RADIL: variants seen among roughly 807,000 people sequenced by gnomAD.
RADIL encodes ras-associating and dilute domain-containing protein.
A neutral mutation model predicts 97.6 loss-of-function variants in RADIL; 99 were observed. The observed-to-expected ratio is 1.01, with a 90% CI of 0.86 to 1.20. RADIL has a LOEUF of 1.20. Among genes scored for constraint, RADIL ranks in the 50% most tolerant of loss-of-function variants. RADIL has a pLI of 0.00. For missense variants in RADIL, 1,765 were observed against 1,498.9 expected (o/e 1.18, Z -2.93); for synonymous variants, 803 against 691.8 (o/e 1.16, Z -2.52).
At position 4,819,070 on chromosome 7, in the gene RADIL, CTCTTT is replaced by C. The variant is rs1045802245; in HGVS notation, c.1616-1724_1616-1720del. 1.2e-4 allele frequency among the ~76,000 whole-genome samples: 16 copies of C among 137,828 alleles called. No individual in the cohort carries two copies. The highest frequency in any genetic ancestry group is 2.3e-4 in the South Asian group (1 of 4,300). The allele number at this position is 137,828 out of a possible 152,430, so 90.4% of individuals were successfully genotyped here. A position where few individuals can be genotyped will look rare whatever the true frequency, so the allele number is the denominator to read the frequency against. On this transcript the variant is annotated intron_variant, in intron 6 of 14. Coordinates refer to ENST00000399583, the MANE Select transcript of RADIL (RefSeq NM_018059.5). The surrounding 1 kb of genome is among the most constrained non-coding windows in gnomAD (Gnocchi z 5.8). ...AGACTCCATTTCTCTCTCTCTCTCT[CTCTTT>C]TTTTTTTTTTTTTAAAGACAGAGTC...
At chr7:4,823,331 C>A (rs978868824) in intron 5 of RADIL, among the ~76,000 whole-genome samples, 1 of 129,592 alleles carries the variant, frequency 7.7e-6, no homozygotes, top group Non-Finnish European at 1.6e-5. Flanking sequence ...TATTAAAAAC[C>A]TTTTTTTTTT....
intron 8 of RADIL, 43 bp downstream of exon 8, chr7:4,816,185 G>C: frequency 1.9e-6 from 3 of 1,560,922 alleles, no homozygotes; most frequent in Non-Finnish European, 1.8e-6. Flanking sequence ...TCATGTCCAG[G>C]AATGTGAGCC....
At chr7:4,826,148 C>T (rs1359224284) in intron 5 of RADIL, among the ~76,000 whole-genome samples, 4 of 151,912 alleles carry the variant, frequency 2.6e-5, no homozygotes, top group African/African-American at 9.7e-5. Flanking sequence ...GTTGAGGCTG[C>T]AGTGAGCTCT....
chr7:4,833,366 G>C (rs942639043), intron 4 of RADIL, among the ~76,000 whole-genome samples: 2 of 152,192 alleles, frequency 1.3e-5, no homozygotes, highest in Non-Finnish European at 2.9e-5. Context: ...GTAACTCTCG[G>C]TCACAGTGGC....
chr7:4,863,706 C>T (rs1227508243), intron 2 of RADIL, among the ~76,000 whole-genome samples: 1 of 152,236 alleles, frequency 6.6e-6, no homozygotes, highest in African/African-American at 2.4e-5. Flanking sequence ...CATCTCCTTT[C>T]ACCAGGTAGC....
intron 2 of RADIL, among the ~76,000 whole-genome samples, chr7:4,862,500 A>G (rs2115035804): frequency 6.6e-6 from 1 of 152,358 alleles, no homozygotes; most frequent in African/African-American, 2.4e-5. Flanking sequence ...TTCCGCAGCT[A>G]GGTGAACTAC....
rs1310955512 is a variant in RADIL at position 4,861,630 on chromosome 7, G to A, written c.535+15975C>T. 5 of 1,610,558 alleles carry A rather than the reference G, an allele frequency of 3.1e-6. No homozygotes were observed. Among genetic ancestry groups the A allele is most frequent in the South Asian group, 1.1e-5 (1 of 90,606 alleles). Reference sequence around the variant, plus strand: ...AATTTTTCCAAAACTAAAATCCTGCGCTGCAGTTCCTCTTCCTCTTCGAAG... The same window carrying A: ...AATTTTTCCAAAACTAAAATCCTGCACTGCAGTTCCTCTTCCTCTTCGAAG... On this transcript the variant is annotated intron_variant, in intron 2 of 14. Transcript: ENST00000399583.
Position 4,799,367 on chromosome 7 carries a change from T to G in RADIL, c.*11A>C, listed in dbSNP as rs767345304. ...GGGTGCCGGGCCTGTGGGGGTGTCC[T>G]CGCAGCCCCCCTAGAGAGGGGGCGT... On this transcript the variant is annotated 3_prime_UTR_variant, in exon 15 of 15. Transcript: ENST00000399583. 4.3e-6 allele frequency: 7 copies of G among 1,612,508 alleles called. No homozygotes were observed. In the East Asian group the frequency reaches 1.3e-4, roughly 31 times the overall value.
intron 2 of RADIL, among the ~76,000 whole-genome samples, chr7:4,855,835 G>A (rs556469970): frequency 4.6e-5 from 7 of 152,012 alleles, no homozygotes; most frequent in Admixed American, 2.0e-4. Flanking sequence ...TTGCTCTGTC[G>A]CTCAGGTTGG....
chr7:4,838,655 C>T (rs1312895534), intron 2 of RADIL, among the ~76,000 whole-genome samples: 3 of 152,328 alleles, frequency 2.0e-5, no homozygotes, highest in East Asian at 3.9e-4. Flanking sequence ...CTTCCTGGTG[C>T]TGGGTAGGCC....
In RADIL at chr7:4,834,590, C is replaced by T. The variant is rs751376332; in HGVS notation, c.1416+17G>A. The T allele has an allele frequency of 2.9e-5, 38 of 1,317,724 alleles. No homozygotes were observed. The highest frequency in any genetic ancestry group is 3.1e-5 in the Admixed American group (1 of 32,578). The allele number at this position is 1,317,724 out of a possible 1,614,324, so 81.6% of individuals were successfully genotyped here. ...AGACCGGCACAGGACCCAGACCGCC[C>T]ACCCCAGCACACTGACCCAGACAGT... On this transcript the variant is annotated intron_variant, in intron 4 of 14. Coordinates refer to ENST00000399583, the MANE Select transcript of RADIL (RefSeq NM_018059.5). This position sits in a 1 kb window ranked among gnomAD's most constrained non-coding sequence, Gnocchi z 6.0.
At chr7:4,838,249 C>T (rs750448197) in intron 2 of RADIL, among the ~76,000 whole-genome samples, 1 of 152,224 alleles carries the variant, frequency 6.6e-6, no homozygotes, top group Non-Finnish European at 1.5e-5. Flanking sequence ...GCGTTACCAG[C>T]CCCACAGCTC....
rs1224598295 is a variant in RADIL at position 4,877,952 on chromosome 7, C to T, written c.188G>A (p.Gly63Asp). The T allele has an allele frequency of 6.2e-7, 1 of 1,610,502 alleles. No homozygotes were observed. Among genetic ancestry groups the T allele is most frequent in the Non-Finnish European group, 8.5e-7 (1 of 1,179,988 alleles). The part of the protein sequence containing the change: ...AELSTQLSAP[G>D]VLKVFGDSVC... Reference sequence around the variant, plus strand: ...ACTGTCCCCAAACACCTTCAGGACACCAGGGGCCGACAGCTGGGTGGAGAG... The same window carrying T: ...ACTGTCCCCAAACACCTTCAGGACATCAGGGGCCGACAGCTGGGTGGAGAG... Residue 63 changes from glycine (G) to aspartate (D), a missense_variant, in exon 2 of 15, where the codon GGT becomes GAT. By Grantham distance (94) the Gly-to-Asp change is moderately conservative. Coordinates refer to ENST00000399583, the MANE Select transcript of RADIL (RefSeq NM_018059.5).
chr7:4,829,579 G>A (rs1039679782), intron 5 of RADIL, among the ~76,000 whole-genome samples: 1 of 152,060 alleles, frequency 6.6e-6, no homozygotes, highest in East Asian at 1.9e-4. Context: ...TACAGGGTTC[G>A]GCTGTGTCTC....
At position 4,815,444 on chromosome 7, in the gene RADIL, GA is replaced by G. The variant is rs1169952293; in HGVS notation, c.1972del (p.Ser658ProfsTer2). 1 of 1,523,310 alleles carries G rather than the reference GA, an allele frequency of 6.6e-7. No homozygotes were observed. The highest frequency in any genetic ancestry group is 8.8e-7 in the Non-Finnish European group (1 of 1,132,160). 94.4% of individuals were successfully genotyped at this position (1,523,310 alleles called of 1,614,324 possible). A position where few individuals can be genotyped will look rare whatever the true frequency, so the allele number is the denominator to read the frequency against. On this transcript the variant is annotated frameshift_variant, in exon 9 of 15. Coordinates refer to ENST00000399583, the MANE Select transcript of RADIL (RefSeq NM_018059.5). LOFTEE classifies it high-confidence loss of function. This position sits in a 1 kb window ranked among gnomAD's most constrained non-coding sequence, Gnocchi z 8.0. Reference protein sequence around the residue: ...LLNQLLDRGPSLSCFHWPRGV... With the variant: ...LLNQLLDRGPXLSCFHWPRGV... ...TCTGGGCCAGTGGAAGCAGCTCAGG[GA>G]GGGGCCTGTGGAGGGAAGAAGGGAG...
intron 2 of RADIL, chr7:4,858,176 A>G (rs1307851479): frequency 6.6e-6 from 1 of 152,264 alleles, no homozygotes; most frequent in Non-Finnish European, 1.5e-5. Flanking sequence ...TCTACAGCAT[A>G]AAAGGACATG....
rs548251052 is a variant in RADIL at position 4,846,123 on chromosome 7, CTT to C, written c.536-9520_536-9519del. 4.7e-3 allele frequency among the ~76,000 whole-genome samples: 682 copies of C among 143,638 alleles called. 5 individuals are homozygous for C. The highest frequency in any genetic ancestry group is 0.015 in the African/African-American group (589 of 39,920). 94.2% of individuals were successfully genotyped at this position (143,638 alleles called of 152,430 possible). ...TCTTTTGTTCCAGAGCTACAATCTT[CTT>C]TTTTTTTTTTTTTTTTTTTTAAAGA... On this transcript the variant is annotated intron_variant, in intron 2 of 14. Transcript: ENST00000399583.
In RADIL at chr7:4,805,552, GGGGCAGGGC is replaced by G. The variant is rs772482627; in HGVS notation, c.2290+5_2290+13del. Reference sequence around the variant, plus strand: ...TGAGTCCCCAGCCCTCTCCTGCCCTGGGGCAGGGCTTACCTGACCTGAAGGCCTCGGGGC... The same window carrying G: ...TGAGTCCCCAGCCCTCTCCTGCCCTGTTACCTGACCTGAAGGCCTCGGGGC... On this transcript the variant is annotated splice_donor_5th_base_variant and intron_variant, in intron 10 of 14. Transcript: ENST00000399583. 3 of 1,571,850 alleles carry G rather than the reference GGGGCAGGGC, an allele frequency of 1.9e-6. No individual in the cohort carries two copies. The highest frequency in any genetic ancestry group is 2.6e-6 in the Non-Finnish European group (3 of 1,156,642).
chr7:4,844,046 T>C (rs565151505), intron 2 of RADIL, among the ~76,000 whole-genome samples: 2 of 151,776 alleles, frequency 1.3e-5, no homozygotes, highest in South Asian at 2.1e-4. Context: ...CCTCTTGCCA[T>C]CAGGAACAAG....
Sources: allele counts gnomAD v4.1 joint callset (sites outside exome capture counted in the v4.1 genomes callset), GRCh38; gene constraint gnomAD v4.1.1; non-coding constraint Gnocchi (gnomAD v3.1); transcripts MANE v1.5; gene names NCBI Gene and HGNC (gene_info 2026-07-23, HGNC 2026-07-21).